Variants in FSTL5 observed in about 807,000 individuals in gnomAD.
FSTL5 encodes follistatin-related protein 5.
In FSTL5, 62 loss-of-function variants were observed where a neutral mutation model predicts 89.1. The ratio of observed to expected loss-of-function variants is 0.70; its 90% CI spans 0.57 to 0.86. FSTL5 has a LOEUF of 0.86. FSTL5 is among the 40% of genes least tolerant of loss of function. The pLI is 0.00. For synonymous variants in FSTL5, 383 were observed against 346.2 expected, an observed-to-expected ratio of 1.11 and a Z score of -1.18; for missense variants, 1,057 against 1,001.6, an observed-to-expected ratio of 1.06 and a Z score of -0.75.
rs1741030999 is a variant in FSTL5 at position 161,766,937 on chromosome 4, TA to T, written c.607-7407del. ...ATAGATAGATAGATAGATAGATAGA[TA>T]GATAGATAGATAGATAGATCTCACT... On this transcript the variant is annotated intron_variant, in intron 5 of 15. Coordinates refer to ENST00000306100, the MANE Select transcript of FSTL5 (RefSeq NM_020116.5). 2.0e-5 allele frequency among the ~76,000 whole-genome samples: 3 copies of T among 152,164 alleles called. No homozygotes were observed. The East Asian group carries it at 5.8e-4, about 29-fold the overall frequency.
In FSTL5 at chr4:161,386,112, T is replaced by C; in HGVS notation, c.2179A>G (p.Ile727Val). The C allele has an allele frequency of 6.2e-7, 1 of 1,614,044 alleles. No homozygotes were observed. The highest frequency in any genetic ancestry group is 8.5e-7 in the Non-Finnish European group (1 of 1,179,984). The change falls in exon 16 of 16, where the codon ATA becomes GTA. Residue 727 changes from isoleucine to valine, a missense_variant. Physicochemically the swap from Ile to Val is conservative, Grantham distance 29. Around this residue, in one of 3 missense-constraint regions of FSTL5, gnomAD observed 980 missense variants for 903.2 expected, o/e 1.08. Transcript: ENST00000306100. ...GTGTAAATATCAAAAGCCTCCTGTA[T>C]TTCTCCTCTGATGGTAATGTACTGA... ...RVQYITIRGE[I>V]QEAFDIYTNL...
At chr4:161,469,535 C>T (rs1283788186) in intron 13 of FSTL5, among the ~76,000 whole-genome samples, 1 of 152,100 alleles carries the variant, frequency 6.6e-6, no homozygotes, top group Admixed American at 6.6e-5. Context: ...ACTTACATTT[C>T]CCTAATGATT....
At chr4:161,398,989 C>T (rs547257317) in intron 15 of FSTL5, among the ~76,000 whole-genome samples, 9 of 151,982 alleles carry the variant, frequency 5.9e-5, no homozygotes, top group East Asian at 5.8e-4. Context: ...ATAGAATACA[C>T]GTTAAAAAAT....
At chr4:161,943,326 A>G (rs1248287872) in intron 3 of FSTL5, among the ~76,000 whole-genome samples, 2 of 151,822 alleles carry the variant, frequency 1.3e-5, no homozygotes, top group African/African-American at 4.8e-5. Flanking sequence ...GTTTGCTTAC[A>G]AACAGTATAC....
At chr4:162,052,036 A>T (rs1178182479) in intron 2 of FSTL5, among the ~76,000 whole-genome samples, 1 of 151,634 alleles carries the variant, frequency 6.6e-6, no homozygotes, top group East Asian at 1.9e-4. Flanking sequence ...CTCATAGCCA[A>T]ACCTGTCTCA....
intron 3 of FSTL5, among the ~76,000 whole-genome samples, chr4:162,016,478 C>A (rs1237808458): frequency 1.3e-5 from 2 of 152,192 alleles, no homozygotes; most frequent in African/African-American, 4.8e-5. Context: ...CAGGCTCTGA[C>A]ATTCCCTAGG....
intron 15 of FSTL5, among the ~76,000 whole-genome samples, chr4:161,413,718 C>T (rs1006054827): frequency 1.3e-5 from 2 of 152,082 alleles, no homozygotes; most frequent in Non-Finnish European, 2.9e-5. Flanking sequence ...GTGGTAAATA[C>T]GAACCATGGA....
At chr4:162,136,713 A>G (rs2111469868) in intron 1 of FSTL5, among the ~76,000 whole-genome samples, 1 of 152,222 alleles carries the variant, frequency 6.6e-6, no homozygotes, top group East Asian at 1.9e-4. Context: ...TATATTATCC[A>G]AAGTGTATTC....
intron 4 of FSTL5, among the ~76,000 whole-genome samples, chr4:161,855,003 GTT>G (rs1221548568): frequency 3.7e-4 from 6 of 16,132 alleles, no homozygotes; most frequent in African/African-American, 8.6e-4. Flanking sequence ...TGGTTGAGAG[GTT>G]TTTTTTTTTT....
chr4:161,616,116 T>G (rs914911655), intron 7 of FSTL5, among the ~76,000 whole-genome samples: 5 of 152,008 alleles, frequency 3.3e-5, no homozygotes, highest in Non-Finnish European at 7.4e-5. Flanking sequence ...GATGGGGTTT[T>G]GCTCTTGTCA....
intron 6 of FSTL5, among the ~76,000 whole-genome samples, chr4:161,759,012 C>T (rs1379453506): frequency 6.6e-6 from 1 of 152,132 alleles, no homozygotes. Context: ...CCTTCAAATA[C>T]ACTCAAACTA....
intron 4 of FSTL5, among the ~76,000 whole-genome samples, chr4:161,876,136 A>G (rs1351165792): frequency 6.6e-6 from 1 of 152,224 alleles, no homozygotes; most frequent in East Asian, 1.9e-4. Context: ...AATCCAAGCA[A>G]AAATATCCTT....
intron 4 of FSTL5, among the ~76,000 whole-genome samples, chr4:161,792,190 C>T (rs1729500602): frequency 6.6e-6 from 1 of 152,134 alleles, no homozygotes; most frequent in Non-Finnish European, 1.5e-5. Context: ...TATCATAACT[C>T]AGATGGGTGT....
At chr4:161,915,224 A>C (rs902609262) in intron 4 of FSTL5, among the ~76,000 whole-genome samples, 8 of 152,152 alleles carry the variant, frequency 5.3e-5, no homozygotes, top group African/African-American at 1.9e-4. Context: ...TTTGAAATAA[A>C]TAATACTCAA....
At chr4:161,989,689 G>T (rs77956959) in intron 3 of FSTL5, among the ~76,000 whole-genome samples, 296 of 152,234 alleles carry the variant, frequency 1.9e-3, no homozygotes, top group African/African-American at 6.9e-3. Flanking sequence ...CAAAAGTATA[G>T]GGACAGAGAA....
rs114313593 is a variant in FSTL5, at chr4:162,086,303, C to T, written c.126+24968G>A. Among the ~76,000 whole-genome samples the T allele has an allele frequency of 5.3e-3, 811 of 151,776 alleles. 3 individuals are homozygous for T. Among genetic ancestry groups the T allele is most frequent in the Middle Eastern group, 0.014 (4 of 294 alleles). ...ATTTATATTCTCTCTCATGCTCATTCCCCCCTCCTTTCTCCCTCTTCCTAT... is the reference window on the plus strand; with the variant it reads ...ATTTATATTCTCTCTCATGCTCATTTCCCCCTCCTTTCTCCCTCTTCCTAT... On this transcript the variant is annotated intron_variant, in intron 2 of 15. Coordinates refer to ENST00000306100, the MANE Select transcript of FSTL5 (RefSeq NM_020116.5).
chr4:161,642,872 T>C (rs933981469), intron 7 of FSTL5, among the ~76,000 whole-genome samples: 2 of 152,136 alleles, frequency 1.3e-5, no homozygotes, highest in African/African-American at 4.8e-5. Context: ...CGGAGATGAA[T>C]GTTGGAGATG....
At chr4:162,105,614 ATAATT>A (rs1024119772) in intron 2 of FSTL5, among the ~76,000 whole-genome samples, 53 of 152,152 alleles carry the variant, frequency 3.5e-4, no homozygotes, top group African/African-American at 1.3e-3. Flanking sequence ...TTTTTCAAAC[ATAATT>A]TATTTTATTA....
At chr4:161,939,016 A>C (rs573013932) in intron 3 of FSTL5, among the ~76,000 whole-genome samples, 2 of 152,152 alleles carry the variant, frequency 1.3e-5, no homozygotes, top group Non-Finnish European at 2.9e-5. Context: ...TATATTTAGA[A>C]GAAAATGTAG....
Sources: gnomAD v4.1 joint callset for allele counts (sites outside exome capture counted in the v4.1 genomes callset) on GRCh38, gnomAD v4.1.1 for gene constraint, gnomAD v4.1.1 regional missense constraint, MANE v1.5 for transcripts, NCBI Gene and HGNC (gene_info 2026-07-23, HGNC 2026-07-21) for gene names.